Variants in C13orf46 observed in about 807,000 individuals in gnomAD.
C13orf46 encodes uncharacterized protein C13orf46.
the C13orf46 span, among the ~76,000 whole-genome samples, chr13:113,928,999 G>A: frequency 6.6e-6 from 1 of 152,228 alleles, no homozygotes; most frequent in Non-Finnish European, 1.5e-5. Flanking sequence ...TGCACTGGCC[G>A]GAACCAATGG....
downstream of C13orf46, among the ~76,000 whole-genome samples, chr13:113,952,796 G>C (rs1337213230): frequency 2.0e-5 from 3 of 152,234 alleles, no homozygotes; most frequent in Non-Finnish European, 4.4e-5. Context: ...GCCCCTGCCT[G>C]GTCCACTCCA....
intron 6 of C13orf46, among the ~76,000 whole-genome samples, chr13:113,960,742 C>A (rs1209191358): frequency 6.6e-6 from 1 of 152,308 alleles, no homozygotes; most frequent in South Asian, 2.1e-4. Flanking sequence ...TGTTTACTGT[C>A]CTCTGTAATC....
At chr13:113,939,745 T>C in the C13orf46 span, among the ~76,000 whole-genome samples, 1 of 152,202 alleles carries the variant, frequency 6.6e-6, no homozygotes, top group African/African-American at 2.4e-5. Flanking sequence ...CTGTGCGCTG[T>C]GTATCCTGGG....
chr13:113,934,614 G>A, the C13orf46 span, among the ~76,000 whole-genome samples: 1 of 152,282 alleles, frequency 6.6e-6, no homozygotes, highest in African/African-American at 2.4e-5. Context: ...TGGCTACGGT[G>A]AATCGAACTG....
At chr13:113,973,393 C>T (rs1054149367) in intron 1 of C13orf46, among the ~76,000 whole-genome samples, 38 of 152,164 alleles carry the variant, frequency 2.5e-4, no homozygotes, top group Admixed American at 2.2e-3. Flanking sequence ...CATGAAAAAC[C>T]GCAGTCACGG....
intron 5 of C13orf46, among the ~76,000 whole-genome samples, chr13:113,966,479 T>A (rs2052649852): frequency 1.3e-5 from 2 of 150,590 alleles, no homozygotes; most frequent in Admixed American, 1.3e-4. Context: ...ATTATAATGG[T>A]GATGATGATG....
the C13orf46 span, among the ~76,000 whole-genome samples, chr13:113,946,592 G>A: frequency 1.3e-5 from 2 of 152,214 alleles, no homozygotes; most frequent in African/African-American, 4.8e-5. Flanking sequence ...GGCAGCTGCT[G>A]GTCCAGGGAG....
At chr13:113,971,495 A>C (rs2052704756) in intron 1 of C13orf46, among the ~76,000 whole-genome samples, 1 of 152,220 alleles carries the variant, frequency 6.6e-6, no homozygotes, top group Non-Finnish European at 1.5e-5. Flanking sequence ...ATGTGGGCTC[A>C]AGGCAGGGCC....
chr13:113,951,287 G>A (rs946119153), downstream of C13orf46, among the ~76,000 whole-genome samples: 14 of 152,222 alleles, frequency 9.2e-5, no homozygotes, highest in African/African-American at 3.1e-4. Flanking sequence ...CTCAGCACCG[G>A]GGCCCCCACG....
the C13orf46 span, among the ~76,000 whole-genome samples, chr13:113,945,316 C>T: frequency 3.3e-5 from 5 of 152,158 alleles, no homozygotes; most frequent in East Asian, 3.9e-4. Flanking sequence ...GAGGCCAAGA[C>T]AGGCGGATCA....
chr13:113,940,478 G>C, the C13orf46 span, among the ~76,000 whole-genome samples: 1 of 143,038 alleles, frequency 7.0e-6, no homozygotes, highest in Non-Finnish European at 1.6e-5. Context: ...CCATGTGTGA[G>C]GCTGGGCATT....
At position 113,956,812 on chromosome 13, in the gene C13orf46, G is replaced by C; in HGVS notation, c.600C>G (p.Ile200Met). The C allele has an allele frequency of 6.6e-6, 1 of 152,432 alleles. No homozygotes were observed. Among genetic ancestry groups the C allele is most frequent in the East Asian group, 1.9e-4 (1 of 5,184 alleles). 9.4% of individuals were successfully genotyped at this position (152,432 alleles called of 1,614,324 possible). The change falls in exon 7 of 7, where the codon ATC (isoleucine) becomes ATG (methionine). Residue 200 changes from isoleucine (I) to methionine (M), a missense_variant. By Grantham distance (10) the Ile-to-Met change is conservative. Transcript: ENST00000636427. ...DEMQTSWVCC[I>M]PYSTRKRAKE... The stretch of plus-strand genomic sequence containing the variant: ...TTGCCCTCTTCCTGGTGGAGTACGG[G>C]ATGCAGCACACCCAGCTGGTCTGCA...
the C13orf46 span, among the ~76,000 whole-genome samples, chr13:113,929,329 A>G: frequency 6.6e-6 from 1 of 152,232 alleles, no homozygotes; most frequent in African/African-American, 2.4e-5. Context: ...TGCTGGTGGT[A>G]AAGCCCGTCC....
chr13:113,963,729 G>A (rs1196131173), intron 6 of C13orf46, among the ~76,000 whole-genome samples: 2 of 149,960 alleles, frequency 1.3e-5, no homozygotes, highest in African/African-American at 4.9e-5. Context: ...AGTGTCGAAA[G>A]TCAGGTGCTC....
chr13:113,929,379 G>A, the C13orf46 span, among the ~76,000 whole-genome samples: 1 of 152,214 alleles, frequency 6.6e-6, no homozygotes, highest in Non-Finnish European at 1.5e-5. Flanking sequence ...CCCACCTCCC[G>A]CTGCACATGT....
chr13:113,946,306 C>T, the C13orf46 span, among the ~76,000 whole-genome samples: 18 of 152,304 alleles, frequency 1.2e-4, no homozygotes, highest in Admixed American at 3.9e-4. Flanking sequence ...CTCTAACTCA[C>T]GTAACAGGAC....
chr13:113,943,696 G>A, the C13orf46 span, among the ~76,000 whole-genome samples: 5 of 152,236 alleles, frequency 3.3e-5, no homozygotes, highest in Non-Finnish European at 5.9e-5. Flanking sequence ...CCACTCAGAT[G>A]GTTGGGAACC....
the C13orf46 span, among the ~76,000 whole-genome samples, chr13:113,937,617 T>C: frequency 4.6e-5 from 7 of 152,164 alleles, no homozygotes; most frequent in African/African-American, 1.7e-4. Flanking sequence ...CCTGACAACA[T>C]GCCTGAGGTG....
chr13:113,936,251 A>ACATC, the C13orf46 span, among the ~76,000 whole-genome samples: 5 of 152,312 alleles, frequency 3.3e-5, no homozygotes, highest in African/African-American at 9.6e-5. Context: ...CATCCAGGCA[A>ACATC]CATCCATGAG....
Sources: gnomAD v4.1 joint callset for allele counts (sites outside exome capture counted in the v4.1 genomes callset) on GRCh38, gnomAD v4.1.1 for gene constraint, MANE v1.5 for transcripts, NCBI Gene and HGNC (gene_info 2026-07-23, HGNC 2026-07-21) for gene names.